The following EYA1 variants were observed in gnomAD, a reference collection of about 807,000 sequenced individuals.
The protein encoded by EYA1 is protein phosphatase EYA1.
In EYA1, 16 loss-of-function variants were observed where a neutral mutation model predicts 82.0. That is an observed-to-expected ratio of 0.20 (90% CI 0.13 to 0.30). The LOEUF (loss-of-function observed/expected upper bound fraction) is 0.30. EYA1 is among the 10% of genes least tolerant of loss of function. The probability of loss-of-function intolerance (pLI) is 1.00; values close to 1 mark genes in which losing one functional copy is unlikely to be tolerated. For missense variants in EYA1, 633 were observed against 730.7 expected (o/e 0.87, Z 1.54); for synonymous variants, 261 against 264.4 (o/e 0.99, Z 0.12).
At chr8:71,484,984 A>G (rs1415591133) in intron 2 of EYA1, among the ~76,000 whole-genome samples, 1 of 152,216 alleles carries the variant, frequency 6.6e-6, no homozygotes, top group Non-Finnish European at 1.5e-5. Flanking sequence ...GCAGCCTTCA[A>G]CTGCATTGCC....
rs1042166708 is a variant in EYA1, at chr8:71,467,300, A to G, written c.33+68444T>C. Among the ~76,000 whole-genome samples the G allele has an allele frequency of 3.3e-5, 5 of 152,210 alleles. No homozygotes were observed. The East Asian group carries it at 7.7e-4, about 23-fold the overall frequency. ...TTAAAATATCCCTTTTTTGTAAGAC[A>G]GTGTCTAATGGATCGGGCATTGGAG... On this transcript the variant is annotated intron_variant, in intron 2 of 18. Coordinates refer to the EYA1 transcript ENST00000643681.
intron 2 of EYA1, among the ~76,000 whole-genome samples, chr8:71,422,968 C>T (rs1342445727): frequency 6.6e-6 from 1 of 152,054 alleles, no homozygotes; most frequent in Admixed American, 6.5e-5. Flanking sequence ...TGATTATTCT[C>T]GTTTTACACA....
intron 2 of EYA1, among the ~76,000 whole-genome samples, chr8:71,440,312 C>A (rs563901865): frequency 1.0e-3 from 158 of 152,256 alleles, no homozygotes; most frequent in Admixed American, 1.6e-3. Context: ...ATGACATGAG[C>A]AGTTTTGTGC....
intron 6 of EYA1, among the ~76,000 whole-genome samples, chr8:71,318,573 AT>A (rs1350148336): frequency 6.6e-6 from 1 of 152,186 alleles, no homozygotes; most frequent in Non-Finnish European, 1.5e-5. Flanking sequence ...TCTTTAATTA[AT>A]TACAATTAAA....
At chr8:71,272,491 G>A (rs893043719) in intron 9 of EYA1, among the ~76,000 whole-genome samples, 3 of 152,042 alleles carry the variant, frequency 2.0e-5, no homozygotes, top group African/African-American at 2.4e-5. Context: ...GTCCATCACC[G>A]GCTCTTCCTC....
intron 2 of EYA1, among the ~76,000 whole-genome samples, chr8:71,370,225 C>A (rs1049080210): frequency 6.6e-6 from 1 of 151,792 alleles, no homozygotes; most frequent in African/African-American, 2.4e-5. Flanking sequence ...ACACGTCCTG[C>A]CTTTCAGAAA....
chr8:71,381,391 T>A (rs73684767), intron 2 of EYA1, among the ~76,000 whole-genome samples: 1 of 152,076 alleles, frequency 6.6e-6, no homozygotes, highest in East Asian at 1.9e-4. Context: ...CATTAACCTC[T>A]CCCTCATTCA....
intron 12 of EYA1, among the ~76,000 whole-genome samples, chr8:71,229,708 C>T (rs537470269): frequency 5.3e-5 from 8 of 152,210 alleles, no homozygotes; most frequent in South Asian, 2.1e-4. Flanking sequence ...TACTAAAAAA[C>T]GTATAAAAGA....
intron 2 of EYA1, among the ~76,000 whole-genome samples, chr8:71,512,630 GAT>G (rs1180817464): frequency 6.6e-6 from 1 of 151,758 alleles, no homozygotes; most frequent in Non-Finnish European, 1.5e-5. Context: ...TTTTATAAAA[GAT>G]ATATGAGGGA....
chr8:71,318,621 A>C (rs1231553862), intron 6 of EYA1, among the ~76,000 whole-genome samples: 1 of 152,088 alleles, frequency 6.6e-6, no homozygotes, highest in Non-Finnish European at 1.5e-5. Context: ...CTTCATTCTC[A>C]CAGAGGGAGG....
chr8:71,433,157 G>A (rs765674666), intron 2 of EYA1, among the ~76,000 whole-genome samples: 8 of 152,030 alleles, frequency 5.3e-5, no homozygotes, highest in Non-Finnish European at 1.0e-4. Flanking sequence ...TATAGCTTCT[G>A]GAAGTATGAA....
chr8:71,533,326 C>T (rs541519736), intron 2 of EYA1, among the ~76,000 whole-genome samples: 3 of 152,032 alleles, frequency 2.0e-5, no homozygotes, highest in Non-Finnish European at 2.9e-5. Flanking sequence ...GGTGGTATGA[C>T]GAGTAGGTGG....
At chr8:71,322,062 G>A in intron 5 of EYA1, 137 bp downstream of exon 5, 3 of 1,082,308 alleles carry the variant, frequency 2.8e-6, no homozygotes, top group East Asian at 2.5e-5. Flanking sequence ...AAATAAATTT[G>A]TATCAATATG....
Position 71,321,660 on chromosome 8 carries a change from T to C in EYA1, c.418+74A>G, listed in dbSNP as rs1822561021. The C allele has an allele frequency of 5.8e-6, 9 of 1,552,956 alleles. No homozygotes were observed. The South Asian group carries it at 8.4e-5, about 14-fold the overall frequency. On this transcript the variant is annotated intron_variant, in intron 6 of 17. Coordinates refer to ENST00000340726, the MANE Select transcript of EYA1 (RefSeq NM_000503.6). Reference sequence around the variant, plus strand: ...CTAAATTGGCCAAAGATTGGGTCTTTAAGTACCACTCAAACATGTTAATAC... The same window carrying C: ...CTAAATTGGCCAAAGATTGGGTCTTCAAGTACCACTCAAACATGTTAATAC...
chr8:71,318,512 G>A (rs969428737), intron 6 of EYA1, among the ~76,000 whole-genome samples: 1 of 152,062 alleles, frequency 6.6e-6, no homozygotes, highest in African/African-American at 2.4e-5. Context: ...GGCTAACATC[G>A]TAATTTTGGG....
chr8:71,391,964 T>C (rs1306904343), intron 2 of EYA1, among the ~76,000 whole-genome samples: 2 of 152,216 alleles, frequency 1.3e-5, no homozygotes, highest in Non-Finnish European at 2.9e-5. Flanking sequence ...TGCAACTGTA[T>C]TCTGGCTGAA....
intron 2 of EYA1, among the ~76,000 whole-genome samples, chr8:71,493,062 GC>G (rs1418086858): frequency 1.3e-5 from 2 of 152,180 alleles, no homozygotes; most frequent in African/African-American, 2.4e-5. Flanking sequence ...ATGGCCTCCA[GC>G]CCCATCCATG....
chr8:71,461,034 T>C (rs1416651676), intron 2 of EYA1, among the ~76,000 whole-genome samples: 1 of 152,224 alleles, frequency 6.6e-6, no homozygotes, highest in Non-Finnish European at 1.5e-5. Context: ...CAATTGGTTA[T>C]AAGTATAATG....
intron 1 of EYA1, among the ~76,000 whole-genome samples, chr8:71,539,284 T>C (rs1814955665): frequency 6.6e-6 from 1 of 152,192 alleles, no homozygotes; most frequent in Non-Finnish European, 1.5e-5. Context: ...ATGCATTTAA[T>C]GATAGCCTGA....
Sources: allele counts gnomAD v4.1 joint callset (sites outside exome capture counted in the v4.1 genomes callset), GRCh38; gene constraint gnomAD v4.1.1; transcripts MANE v1.5; gene names NCBI Gene and HGNC (gene_info 2026-07-23, HGNC 2026-07-21).